The following MMP26 variants were observed in gnomAD, a reference collection of about 807,000 sequenced individuals.
MMP26 encodes matrix metallopeptidase 26, also known as matrix metalloproteinase-26.
MMP26 carries 33 observed loss-of-function variants against 31.0 expected under a neutral mutation model. The observed-to-expected ratio is 1.06, with a 90% CI of 0.81 to 1.42. The LOEUF (loss-of-function observed/expected upper bound fraction) is 1.42. Ranked by LOEUF, MMP26 falls within the 40% of genes most tolerant of loss-of-function variation. The pLI, the probability that MMP26 is intolerant of heterozygous loss-of-function variation, is 0.00. For missense variants in MMP26, 347 were observed against 316.1 expected, an observed-to-expected ratio of 1.10 and a Z score of -0.74; for synonymous variants, 122 against 114.9, an observed-to-expected ratio of 1.06 and a Z score of -0.40.
chr11:4,828,047 T>C (rs924034637), intron 2 of MMP26, among the ~76,000 whole-genome samples: 2 of 152,170 alleles, frequency 1.3e-5, no homozygotes, highest in South Asian at 4.1e-4. Flanking sequence ...TGTGGACTGA[T>C]GCTGGAAAAA....
chr11:4,750,123 A>G (rs1005610816), intron 1 of MMP26, among the ~76,000 whole-genome samples: 4 of 152,158 alleles, frequency 2.6e-5, no homozygotes, highest in African/African-American at 9.6e-5. Context: ...TGGGCAAAGG[A>G]CATTAACAGA....
At chr11:4,764,766 G>T (rs921092406) in intron 1 of MMP26, among the ~76,000 whole-genome samples, 13 of 152,076 alleles carry the variant, frequency 8.5e-5, no homozygotes, top group African/African-American at 2.7e-4. Context: ...CCAGCTACTC[G>T]GGAGGCTGAG....
chr11:4,743,655 TTTGGACA>T, intron 1 of MMP26, among the ~76,000 whole-genome samples: 1 of 152,190 alleles, frequency 6.6e-6, no homozygotes, highest in East Asian at 1.9e-4. Context: ...CACTGTAATA[TTTGGACA>T]AATTACTTCT....
intron 2 of MMP26, among the ~76,000 whole-genome samples, chr11:4,879,408 T>C (rs1266110058): frequency 6.6e-6 from 1 of 152,122 alleles, no homozygotes; most frequent in Non-Finnish European, 1.5e-5. Context: ...ATTTAAACCA[T>C]AGTTCCTGAA....
chr11:4,867,980 A>G (rs1175571897), intron 2 of MMP26, among the ~76,000 whole-genome samples: 1 of 152,146 alleles, frequency 6.6e-6, no homozygotes, highest in Non-Finnish European at 1.5e-5. Flanking sequence ...TAGCAAAGAC[A>G]TGAAGTCAAC....
chr11:4,765,244 A>G (rs1848614533), intron 1 of MMP26, among the ~76,000 whole-genome samples: 1 of 152,188 alleles, frequency 6.6e-6, no homozygotes, highest in Admixed American at 6.5e-5. Context: ...AGGAAGGTCC[A>G]TTTCTAGAAG....
chr11:4,916,107 A>C (rs1851086875), intron 2 of MMP26, among the ~76,000 whole-genome samples: 1 of 151,810 alleles, frequency 6.6e-6, no homozygotes, highest in Admixed American at 6.6e-5. Flanking sequence ...TCATGAGGTC[A>C]GGAGGTTGAG....
intron 2 of MMP26, among the ~76,000 whole-genome samples, chr11:4,917,419 G>A (rs1851113977): frequency 6.6e-6 from 1 of 152,202 alleles, no homozygotes; most frequent in African/African-American, 2.4e-5. Flanking sequence ...ATAATTCAGT[G>A]TCAAGTGGCA....
intron 2 of MMP26, among the ~76,000 whole-genome samples, chr11:4,806,144 A>G (rs1849266360): frequency 6.6e-6 from 1 of 152,102 alleles, no homozygotes; most frequent in Non-Finnish European, 1.5e-5. Context: ...AATTCCAACT[A>G]TGTGGTCGAT....
At chr11:4,986,851 G>A (rs898685673) in intron 2 of MMP26, among the ~76,000 whole-genome samples, 1 of 147,618 alleles carries the variant, frequency 6.8e-6, no homozygotes, top group Admixed American at 6.8e-5. Flanking sequence ...CAGCTTTTAA[G>A]TAGCAGAGTT....
intron 2 of MMP26, chr11:4,871,752 A>G (rs1850313496): frequency 6.6e-6 from 1 of 152,176 alleles, no homozygotes; most frequent in African/African-American, 2.4e-5. Context: ...TGAGTTGGGG[A>G]AAAATCTGAG....
At chr11:4,733,152 A>G (rs1028410408) in intron 1 of MMP26, among the ~76,000 whole-genome samples, 2 of 152,194 alleles carry the variant, frequency 1.3e-5, no homozygotes, top group South Asian at 4.1e-4. Context: ...TTAAAATTCC[A>G]TATGTATTTT....
At chr11:4,873,934 G>A (rs980344872) in intron 2 of MMP26, among the ~76,000 whole-genome samples, 5 of 152,000 alleles carry the variant, frequency 3.3e-5, no homozygotes, top group African/African-American at 1.2e-4. Context: ...TTCCTAAACA[G>A]AGTCAAAGAC....
At chr11:4,962,749 A>G (rs1846537269) in intron 2 of MMP26, among the ~76,000 whole-genome samples, 1 of 152,168 alleles carries the variant, frequency 6.6e-6, no homozygotes, top group Admixed American at 6.5e-5. Flanking sequence ...ACATTGTTGG[A>G]CTTTTTGACA....
chr11:4,931,201 G>A (rs1308961537), intron 2 of MMP26, among the ~76,000 whole-genome samples: 2 of 152,078 alleles, frequency 1.3e-5, no homozygotes, highest in Non-Finnish European at 2.9e-5. Flanking sequence ...GAAGAGCAAA[G>A]TGAGACAGGG....
chr11:4,755,089 T>C (rs1848489898), intron 1 of MMP26, among the ~76,000 whole-genome samples: 1 of 151,988 alleles, frequency 6.6e-6, no homozygotes, highest in Admixed American at 6.6e-5. Context: ...TTTCTGTTTT[T>C]ATTGGACTCT....
At chr11:4,804,181 G>A in intron 2 of MMP26, 1 of 1,614,168 alleles carries the variant, frequency 6.2e-7, no homozygotes, top group Non-Finnish European at 8.5e-7. Context: ...GGCCAGCATG[G>A]CCAGAAAGAG....
chr11:4,775,346 C>T (rs905205039), intron 2 of MMP26, among the ~76,000 whole-genome samples: 2 of 152,062 alleles, frequency 1.3e-5, no homozygotes, highest in African/African-American at 4.8e-5. Context: ...CTTTCACTTC[C>T]CTTGTTAATT....
chr11:4,908,246 G>A (rs746370832), intron 2 of MMP26: 64 of 1,614,014 alleles, frequency 4.0e-5, no homozygotes, highest in Non-Finnish European at 4.8e-5. Context: ...TGTGTACTGT[G>A]TAAAGACTCG....
Sources: allele counts gnomAD v4.1 joint callset (sites outside exome capture counted in the v4.1 genomes callset), GRCh38; gene constraint gnomAD v4.1.1; transcripts MANE v1.5; gene names NCBI Gene and HGNC (gene_info 2026-07-23, HGNC 2026-07-21).